Variants in FAM149A observed in about 807,000 individuals in gnomAD.
FAM149A encodes family with sequence similarity 149 member A, also known as protein FAM149A.
In FAM149A, 71 loss-of-function variants were observed where a neutral mutation model predicts 78.2. That is an observed-to-expected ratio of 0.91 (90% CI 0.75 to 1.11). The LOEUF is 1.11. Among genes scored for constraint, FAM149A ranks in the 50% least tolerant of loss-of-function variants. The probability of loss-of-function intolerance (pLI) is 0.00; values close to 1 mark genes in which losing one functional copy is unlikely to be tolerated. For missense variants in FAM149A, 1,036 were observed against 971.0 expected, an observed-to-expected ratio of 1.07 and a Z score of -0.89; for synonymous variants, 446 against 410.5, an observed-to-expected ratio of 1.09 and a Z score of -1.04.
chr4:186,150,055 C>T (rs1315812360), intron 3 of FAM149A, among the ~76,000 whole-genome samples: 1 of 152,206 alleles, frequency 6.6e-6, no homozygotes. Context: ...AAAGTAAAAG[C>T]TGTGGCAGCC....
intron 1 of FAM149A, among the ~76,000 whole-genome samples, chr4:186,142,711 C>A (rs2099326345): frequency 6.6e-6 from 1 of 152,206 alleles, no homozygotes; most frequent in Admixed American, 6.5e-5. Context: ...TGAGCCCAGA[C>A]TTCCAGCCAC....
At position 186,173,361 on chromosome 4, in the gene FAM149A, C is replaced by CT. The variant is rs201015854; in HGVS notation, c.*1383dup. Among the ~76,000 whole-genome samples the CT allele has an allele frequency of 0.017, 1,807 of 108,176 alleles. 371 individuals carry two copies. The highest frequency in any genetic ancestry group is 0.048 in the African/African-American group (1,651 of 34,546). 71.0% of individuals were successfully genotyped at this position (108,176 alleles called of 152,430 possible). On this transcript the variant is annotated 3_prime_UTR_variant, in exon 14 of 14. Transcript: ENST00000389354. ...GCTGACTCCATTTCTTTTTTCTTTT[C>CT]TTTTTTTTTGAAACGGAGTCTGGCT...
chr4:186,162,378 C>G (rs1734676342), intron 8 of FAM149A, among the ~76,000 whole-genome samples: 1 of 152,176 alleles, frequency 6.6e-6, no homozygotes, highest in African/African-American at 2.4e-5. Flanking sequence ...GTGCTTCTCC[C>G]AGTTCTCTCT....
chr4:186,132,673 G>C (rs1261004248), intron 1 of FAM149A, among the ~76,000 whole-genome samples: 1 of 152,190 alleles, frequency 6.6e-6, no homozygotes, highest in Non-Finnish European at 1.5e-5. Flanking sequence ...GAGCAGGGAG[G>C]GGAATGGCCA....
At chr4:186,107,766 T>C (rs1015291897) in intron 1 of FAM149A, 2 of 152,246 alleles carry the variant, frequency 1.3e-5, no homozygotes, top group African/African-American at 4.8e-5. Context: ...TATACACAGC[T>C]AGGTGCTTTG....
chr4:186,165,302 T>C, intron 10 of FAM149A, 42 bp from the exon 11 acceptor site: 1 of 1,611,614 alleles, frequency 6.2e-7, no homozygotes, highest in Non-Finnish European at 8.5e-7. Context: ...TTGCCAGTTA[T>C]CCATGTACCT....
At chr4:186,119,648 A>G (rs977338864) in intron 1 of FAM149A, among the ~76,000 whole-genome samples, 2 of 152,234 alleles carry the variant, frequency 1.3e-5, no homozygotes, top group East Asian at 3.8e-4. Flanking sequence ...ACTTCTATAT[A>G]ATGTCAGTCA....
rs762374144 is a variant in FAM149A at position 186,162,807 on chromosome 4, ATTCTTTT to A, written c.1576-35_1576-29del. 402 of 994,230 alleles carry A rather than the reference ATTCTTTT, an allele frequency of 4.0e-4. No individual in the cohort carries two copies. In the African/African-American group the frequency reaches 6.7e-3, roughly 17 times the overall value. The allele number at this position is 994,230 out of a possible 1,614,324, so 61.6% of individuals were successfully genotyped here. On this transcript the variant is annotated intron_variant, in intron 8 of 13. Transcript: ENST00000389354. Reference sequence around the variant, plus strand: ...ATTGGAACGGCACTGGGCATTTGTAATTCTTTTTTTTTTTTTTTTTTTTTTTACTGTT... The same window carrying A: ...ATTGGAACGGCACTGGGCATTTGTAATTTTTTTTTTTTTTTTTTTACTGTT...
intron 1 of FAM149A, among the ~76,000 whole-genome samples, chr4:186,124,796 G>A (rs1046729153): frequency 2.0e-5 from 3 of 152,106 alleles, no homozygotes; most frequent in African/African-American, 7.2e-5. Context: ...GGATGGCTGG[G>A]TCAAATGGTA....
In FAM149A at chr4:186,111,874, T is replaced by C. The variant is rs867304538; in HGVS notation, c.566+6232T>C. Among the ~76,000 whole-genome samples, 254 of 151,994 alleles carry C rather than the reference T, an allele frequency of 1.7e-3. No individual in the cohort carries two copies. In the Middle Eastern group the frequency reaches 0.027, roughly 16 times the overall value. On this transcript the variant is annotated intron_variant, in intron 1 of 13. Coordinates refer to ENST00000389354, the MANE Select transcript of FAM149A (RefSeq NM_001367768.3). Reference sequence around the variant, plus strand: ...TTTTGGCTTAGGATTGCCTTGGCGATGTGGGCTCTTTTTTGCTTCCATATG... The same window carrying C: ...TTTTGGCTTAGGATTGCCTTGGCGACGTGGGCTCTTTTTTGCTTCCATATG...
intron 13 of FAM149A, among the ~76,000 whole-genome samples, chr4:186,167,856 C>T (rs1735193299): frequency 1.3e-5 from 2 of 152,072 alleles, no homozygotes; most frequent in Admixed American, 1.3e-4. Context: ...GCTCTGCCAC[C>T]GGCTGTGCAA....
At chr4:186,152,108 C>T in intron 4 of FAM149A, 63 bp downstream of exon 4, 1 of 1,512,894 alleles carries the variant, frequency 6.6e-7, no homozygotes, top group East Asian at 2.3e-5. Flanking sequence ...CCTGACCTGC[C>T]TCGATACATT....
At position 186,105,466 on chromosome 4, in the gene FAM149A, C is replaced by G; in HGVS notation, c.390C>G (p.Pro130=). The G allele has an allele frequency of 2.5e-6, 3 of 1,214,916 alleles. No homozygotes were observed. Among genetic ancestry groups the G allele is most frequent in the Middle Eastern group, 3.3e-4 (1 of 2,988 alleles). The allele number at this position is 1,214,916 out of a possible 1,614,324, so 75.3% of individuals were successfully genotyped here. ...GCCTGGTGGTCCCAGCGCGGCCGCC[C>G]TCGGGCCCCGGCGGGGTCTGGGCCG... Residue 130 remains proline (P), a synonymous_variant, in exon 1 of 14, where the codon CCC becomes CCG. Coordinates refer to ENST00000389354, the MANE Select transcript of FAM149A (RefSeq NM_001367768.3).
chr4:186,165,988 C>T (rs573005612), intron 11 of FAM149A, among the ~76,000 whole-genome samples: 10 of 152,190 alleles, frequency 6.6e-5, no homozygotes, highest in Non-Finnish European at 4.4e-5. Flanking sequence ...TCATTTCTAT[C>T]GGTCATTTTT....
At chr4:186,146,893 G>A (rs530936221) in intron 1 of FAM149A, 2 of 985,388 alleles carry the variant, frequency 2.0e-6, no homozygotes, top group Non-Finnish European at 2.4e-6. Context: ...TTTCGTCTTC[G>A]CCGTTTGAGT....
At chr4:186,119,010 AG>A (rs1033185292) in intron 1 of FAM149A, among the ~76,000 whole-genome samples, 3 of 152,234 alleles carry the variant, frequency 2.0e-5, no homozygotes, top group Non-Finnish European at 4.4e-5. Flanking sequence ...TGAAAATGCT[AG>A]GGAAAAAAAT....
rs573152742 is a variant in FAM149A, at chr4:186,116,667, G to A, written c.566+11025G>A. 387 of 959,544 alleles carry A rather than the reference G, an allele frequency of 4.0e-4. 2 individuals carry two copies. In the Middle Eastern group the frequency reaches 4.3e-3, roughly 11 times the overall value. The allele number at this position is 959,544 out of a possible 1,614,324, so 59.4% of individuals were successfully genotyped here. ...GGCTGGAGGGCAGCGGCACGATCTC[G>A]GCTCACTGCAACCTCTGCGTCCTGG... is the stretch of plus-strand genomic sequence containing the variant. On this transcript the variant is annotated intron_variant, in intron 1 of 13. Transcript: ENST00000389354.
At chr4:186,132,943 G>A (rs2099321353) in intron 1 of FAM149A, 1 of 982,974 alleles carries the variant, frequency 1.0e-6, no homozygotes, top group African/African-American at 1.8e-5. Flanking sequence ...CCCCCAGTGT[G>A]ATGGTATTTG....
Position 186,172,019 on chromosome 4 carries a change from T to C in FAM149A, c.*32T>C, listed in dbSNP as rs758190159. On this transcript the variant is annotated 3_prime_UTR_variant, in exon 14 of 14. Transcript: ENST00000389354. ...CTCACCAGAACCATTGGAGCACCTGTGGCCTCGGCACACTGCTTATCACTT... is the reference window on the plus strand; with the variant it reads ...CTCACCAGAACCATTGGAGCACCTGCGGCCTCGGCACACTGCTTATCACTT... 2 of 1,606,976 alleles carry C rather than the reference T, an allele frequency of 1.2e-6. No individual in the cohort carries two copies. Among genetic ancestry groups the C allele is most frequent in the Admixed American group, 3.4e-5 (2 of 58,672 alleles).
Sources: gnomAD v4.1 joint callset for allele counts (sites outside exome capture counted in the v4.1 genomes callset) on GRCh38, gnomAD v4.1.1 for gene constraint, MANE v1.5 for transcripts, NCBI Gene and HGNC (gene_info 2026-07-23, HGNC 2026-07-21) for gene names.